Variants in PRKAG2 observed in about 807,000 individuals in gnomAD.
PRKAG2 encodes the protein protein kinase AMP-activated non-catalytic subunit gamma 2, also known as 5'-AMP-activated protein kinase subunit gamma-2.
A neutral mutation model predicts 69.6 loss-of-function variants in PRKAG2; 26 were observed. The ratio of observed to expected loss-of-function variants is 0.37; its 90% CI spans 0.27 to 0.52. PRKAG2 has a LOEUF of 0.52. PRKAG2 is among the 20% of genes least tolerant of loss of function. The pLI, the probability that PRKAG2 is intolerant of heterozygous loss-of-function variation, is 0.90. For synonymous variants in PRKAG2, 293 were observed against 285.0 expected, an observed-to-expected ratio of 1.03 and a Z score of -0.28; for missense variants, 557 against 740.0, an observed-to-expected ratio of 0.75 and a Z score of 2.87.
At chr7:151,559,081 G>A (rs1804384463) in intron 15 of PRKAG2, 1 of 985,436 alleles carries the variant, frequency 1.0e-6, no homozygotes, top group Non-Finnish European at 1.2e-6. Flanking sequence ...TCTGCCCAGA[G>A]AAGAGGCCTT....
intron 5 of PRKAG2, among the ~76,000 whole-genome samples, chr7:151,611,525 G>C (rs771929837): frequency 5.3e-5 from 8 of 152,162 alleles, no homozygotes; most frequent in Admixed American, 3.9e-4. Context: ...TATCAATTAA[G>C]TGGTAAAGAG....
chr7:151,814,498 C>T lies in PRKAG2; in HGVS notation c.115-27957G>A, dbSNP rs917234035. 3.0e-5 allele frequency: 37 copies of T among 1,230,712 alleles called. No individual in the cohort carries two copies. In the Middle Eastern group the frequency reaches 9.4e-4, roughly 31 times the overall value. The allele number at this position is 1,230,712 out of a possible 1,614,324, so 76.2% of individuals were successfully genotyped here. ...TTGTAAGCTGCTGGATGGCAGGATGCGAGTGACGGGGACGGGCGGCACTCC... is the reference window on the plus strand; with the variant it reads ...TTGTAAGCTGCTGGATGGCAGGATGTGAGTGACGGGGACGGGCGGCACTCC... On this transcript the variant is annotated intron_variant, in intron 1 of 15. Transcript: ENST00000287878. This position sits in a 1 kb window ranked among gnomAD's most constrained non-coding sequence, Gnocchi z 4.8.
chr7:151,612,689 C>A (rs996574157), intron 5 of PRKAG2, among the ~76,000 whole-genome samples: 5 of 152,250 alleles, frequency 3.3e-5, no homozygotes, highest in African/African-American at 1.2e-4. Flanking sequence ...TGCTCACCTT[C>A]ATAGTGCACA....
intron 10 of PRKAG2, among the ~76,000 whole-genome samples, 161 bp from the exon 11 acceptor site, chr7:151,569,003 T>C (rs1376217900): frequency 6.6e-6 from 1 of 152,222 alleles, no homozygotes; most frequent in Non-Finnish European, 1.5e-5. Context: ...TTTTCATTTT[T>C]CACAATCTAT....
chr7:151,746,818 G>A (rs2074311993), intron 3 of PRKAG2, among the ~76,000 whole-genome samples: 1 of 152,152 alleles, frequency 6.6e-6, no homozygotes, highest in Non-Finnish European at 1.5e-5. Context: ...GCTTGGACTT[G>A]CAATAGGAGC....
At position 151,625,105 on chromosome 7, in the gene PRKAG2, T is replaced by C. The variant is rs935417227; in HGVS notation, c.754+6964A>G. 2.0e-5 allele frequency among the ~76,000 whole-genome samples: 3 copies of C among 152,194 alleles called. No individual in the cohort carries two copies. In the South Asian group the frequency reaches 6.2e-4, roughly 31 times the overall value. On this transcript the variant is annotated intron_variant, in intron 5 of 15. Coordinates refer to ENST00000287878, the MANE Select transcript of PRKAG2 (RefSeq NM_016203.4). ...ATGGCAAATAAATGGGAGGGGCTAC[T>C]GGGAAACACAAAGAAGTGCGTCCCC...
At chr7:151,791,506 T>C (rs2077272781) in intron 1 of PRKAG2, among the ~76,000 whole-genome samples, 1 of 152,224 alleles carries the variant, frequency 6.6e-6, no homozygotes, top group Admixed American at 6.5e-5. Flanking sequence ...GGGGCAACGC[T>C]GAGGCACCAA....
intron 4 of PRKAG2, among the ~76,000 whole-genome samples, chr7:151,633,940 AT>A (rs1173607130): frequency 6.6e-6 from 1 of 152,016 alleles, no homozygotes; most frequent in African/African-American, 2.4e-5. Flanking sequence ...TTTATTTATT[AT>A]TTTTTTGAGA....
chr7:151,741,083 C>T (rs931713549), intron 3 of PRKAG2, among the ~76,000 whole-genome samples: 7 of 152,284 alleles, frequency 4.6e-5, no homozygotes, highest in Middle Eastern at 3.4e-3. Context: ...TGCGGTGGCT[C>T]ACACCTGTAA....
intron 5 of PRKAG2, among the ~76,000 whole-genome samples, chr7:151,612,341 T>A (rs1478569743): frequency 6.6e-6 from 1 of 152,128 alleles, no homozygotes; most frequent in Non-Finnish European, 1.5e-5. Context: ...ACTTGTGAAA[T>A]GGAAGGTTTA....
intron 1 of PRKAG2, among the ~76,000 whole-genome samples, chr7:151,852,497 A>T (rs1032755379): frequency 6.6e-6 from 1 of 152,050 alleles, no homozygotes; most frequent in Non-Finnish European, 1.5e-5. Context: ...TCCATCTCAA[A>T]AAAAGAAAGT....
chr7:151,564,322 T>C (rs1805734664), intron 13 of PRKAG2, 98 bp from the exon 14 acceptor site: 1 of 1,346,910 alleles, frequency 7.4e-7, no homozygotes, highest in East Asian at 2.3e-5. Flanking sequence ...CTAAAAACTT[T>C]AATGCTTATC....
chr7:151,834,370 A>G (rs1252366489), intron 1 of PRKAG2, among the ~76,000 whole-genome samples: 1 of 152,334 alleles, frequency 6.6e-6, no homozygotes, highest in East Asian at 1.9e-4. Context: ...TTGCTCCACA[A>G]AGTCGCCAGG....
intron 3 of PRKAG2, among the ~76,000 whole-genome samples, chr7:151,721,792 A>G (rs1464235954): frequency 6.6e-6 from 1 of 152,130 alleles, no homozygotes; most frequent in Non-Finnish European, 1.5e-5. Flanking sequence ...TTGCTTTCAT[A>G]GACGTTATCT....
At chr7:151,731,261 G>A (rs1210874251) in intron 3 of PRKAG2, among the ~76,000 whole-genome samples, 1 of 152,246 alleles carries the variant, frequency 6.6e-6, no homozygotes, top group East Asian at 1.9e-4. Flanking sequence ...TCTAGCGCCT[G>A]GAGCCTGAAA....
intron 5 of PRKAG2, among the ~76,000 whole-genome samples, chr7:151,620,482 T>C (rs1821220831): frequency 6.6e-6 from 1 of 151,636 alleles, no homozygotes; most frequent in Admixed American, 6.6e-5. Context: ...GTTTTTTTGT[T>C]TTGTTTTTTT....
At chr7:151,854,939 C>G (rs1216460075) in intron 1 of PRKAG2, among the ~76,000 whole-genome samples, 1 of 147,454 alleles carries the variant, frequency 6.8e-6, no homozygotes, top group South Asian at 2.1e-4. Flanking sequence ...TACACACACA[C>G]CACCCTCCAC....
rs1464785781 is a variant in PRKAG2, at chr7:151,632,477, G to A, written c.685-339C>T. ...GGGCGGCAGCGCCTGGGCCCGGGGCGCCCCCCTCCGGCCGTGGCCCGCGTC... is the reference window on the plus strand; with the variant it reads ...GGGCGGCAGCGCCTGGGCCCGGGGCACCCCCCTCCGGCCGTGGCCCGCGTC... On this transcript the variant is annotated intron_variant, in intron 4 of 15. Transcript: ENST00000287878. This position sits in a 1 kb window ranked among gnomAD's most constrained non-coding sequence, Gnocchi z 4.2. 7.8e-6 allele frequency: 6 copies of A among 772,712 alleles called. No individual in the cohort carries two copies. The highest frequency in any genetic ancestry group is 6.3e-5 in the Admixed American group (1 of 15,830). 47.9% of individuals were successfully genotyped at this position (772,712 alleles called of 1,614,324 possible). A position where few individuals can be genotyped will look rare whatever the true frequency, so the allele number is the denominator to read the frequency against.
intron 1 of PRKAG2, among the ~76,000 whole-genome samples, chr7:151,793,460 T>C (rs1222039695): frequency 1.3e-5 from 2 of 152,236 alleles, no homozygotes; most frequent in African/African-American, 4.8e-5. Flanking sequence ...GCCTGGGCTG[T>C]GGGATCCAGC....
Sources: allele counts gnomAD v4.1 joint callset (sites outside exome capture counted in the v4.1 genomes callset), GRCh38; gene constraint gnomAD v4.1.1; non-coding constraint Gnocchi (gnomAD v3.1); transcripts MANE v1.5; gene names NCBI Gene and HGNC (gene_info 2026-07-23, HGNC 2026-07-21).